Variants in GLB1 observed in about 807,000 individuals in gnomAD.
The protein encoded by GLB1 is galactosidase beta 1.
Under a neutral mutation model 74.0 loss-of-function variants are expected in GLB1, and 56 were observed. The observed-to-expected ratio is 0.76, with a 90% CI of 0.61 to 0.94. GLB1 has a LOEUF of 0.94. Among genes scored for constraint, GLB1 ranks in the 40% least tolerant of loss-of-function variants. GLB1 has a pLI of 0.00. For synonymous variants in GLB1, 323 were observed against 323.6 expected (o/e 1.00, Z 0.02); for missense variants, 787 against 845.5 (o/e 0.93, Z 0.86).
chr3:33,026,251 G>A (rs1478045351), intron 10 of GLB1, among the ~76,000 whole-genome samples: 7 of 152,218 alleles, frequency 4.6e-5, no homozygotes, highest in Non-Finnish European at 2.9e-5. Flanking sequence ...GCGCCACTCC[G>A]ACCTCGGAGC....
the GLB1 span, among the ~76,000 whole-genome samples, chr3:32,972,264 G>T: frequency 6.6e-6 from 1 of 152,294 alleles, no homozygotes; most frequent in African/African-American, 2.4e-5. Context: ...CACAAATGAG[G>T]AATGTTATAT....
intron 15 of GLB1, among the ~76,000 whole-genome samples, chr3:33,005,596 A>C (rs1396896859): frequency 6.6e-6 from 1 of 152,124 alleles, no homozygotes; most frequent in African/African-American, 2.4e-5. Context: ...TGCTGGGCTC[A>C]AGCAATCCTC....
At chr3:33,050,714 C>T (rs1315679867) in intron 9 of GLB1, among the ~76,000 whole-genome samples, 8 of 152,116 alleles carry the variant, frequency 5.3e-5, no homozygotes, top group Non-Finnish European at 1.2e-4. Flanking sequence ...GTAATGGTTA[C>T]ACAACTTTGT....
chr3:33,086,059 C>A (rs758380336), intron 1 of GLB1, among the ~76,000 whole-genome samples: 9 of 152,114 alleles, frequency 5.9e-5, no homozygotes, highest in South Asian at 2.1e-4. Flanking sequence ...GCCTGAACAA[C>A]AGAGCAAGAC....
chr3:33,094,815 AACTC>A (rs1700936744), intron 1 of GLB1, among the ~76,000 whole-genome samples: 1 of 152,244 alleles, frequency 6.6e-6, no homozygotes. Flanking sequence ...AAAACAGTGC[AACTC>A]TTCACCCTAA....
chr3:32,990,851 G>A, the GLB1 span, among the ~76,000 whole-genome samples: 1 of 152,116 alleles, frequency 6.6e-6, no homozygotes, highest in South Asian at 2.1e-4. Context: ...GCGGGTGCCT[G>A]TAGTCCCAGC....
intron 2 of GLB1, among the ~76,000 whole-genome samples, chr3:33,070,881 A>G (rs542909658): frequency 4.8e-4 from 73 of 152,316 alleles, no homozygotes; most frequent in Non-Finnish European, 9.7e-4. Context: ...TAAAAATTAT[A>G]TATGTCCATG....
chr3:33,079,394 T>C (rs934221600), intron 1 of GLB1, among the ~76,000 whole-genome samples: 2 of 152,246 alleles, frequency 1.3e-5, no homozygotes, highest in Non-Finnish European at 2.9e-5. Context: ...TGCTAGTTAA[T>C]GATATGCCTA....
chr3:33,074,200 C>T (rs187421786), intron 1 of GLB1, among the ~76,000 whole-genome samples: 199 of 149,446 alleles, frequency 1.3e-3, no homozygotes, highest in Middle Eastern at 0.01. Context: ...AAAATAGCTA[C>T]TCGGGAGATT....
downstream of GLB1, among the ~76,000 whole-genome samples, chr3:32,996,067 C>T (rs761291779): frequency 1.3e-5 from 2 of 152,150 alleles, no homozygotes; most frequent in Non-Finnish European, 1.5e-5. Flanking sequence ...AACCCTGTCT[C>T]GCCACATACA....
In GLB1 at chr3:33,051,902, G is replaced by A. The variant is rs1430384579; in HGVS notation, c.895C>T (p.Arg299Cys). The change falls in exon 8 of 16, where the codon CGT becomes TGT. Residue 299 changes from arginine (R) to cysteine (C), a missense_variant. By Grantham distance (180) the Arg-to-Cys change is radical. Transcript: ENST00000307363. ...VASSLYDILA[R>C]GASVNLYMFI... ...ACTCACAAGTTCACACTCGCCCCAC[G>A]GGCAAGTATATCATAGAGGGAGGAA... is the stretch of plus-strand genomic sequence containing the variant. The A allele has an allele frequency of 3.7e-6, 6 of 1,614,198 alleles. No homozygotes were observed. Among genetic ancestry groups the A allele is most frequent in the African/African-American group, 1.3e-5 (1 of 75,046 alleles).
intron 10 of GLB1, among the ~76,000 whole-genome samples, chr3:33,035,570 G>A (rs909666652): frequency 1.3e-5 from 2 of 152,112 alleles, no homozygotes; most frequent in Admixed American, 1.3e-4. Context: ...TTGAGATGGG[G>A]TTAGTGCCTT....
chr3:33,059,853 A>G (rs1699373427), intron 5 of GLB1, among the ~76,000 whole-genome samples: 1 of 152,256 alleles, frequency 6.6e-6, no homozygotes, highest in South Asian at 2.1e-4. Context: ...CACATAATAC[A>G]AAAATATTTG....
At chr3:33,034,585 C>T (rs535077450) in intron 10 of GLB1, 1 of 719,134 alleles carries the variant, frequency 1.4e-6, no homozygotes, top group East Asian at 2.5e-5. Context: ...GTGATGATGC[C>T]TTGGGAAATA....
chr3:32,966,262 T>G, the GLB1 span, among the ~76,000 whole-genome samples: 21 of 152,202 alleles, frequency 1.4e-4, no homozygotes, highest in Non-Finnish European at 2.9e-4. Flanking sequence ...GGGGCGGAGC[T>G]TCCCAAGGCT....
chr3:32,983,147 A>C, the GLB1 span, among the ~76,000 whole-genome samples: 4 of 152,182 alleles, frequency 2.6e-5, no homozygotes, highest in Admixed American at 2.0e-4. Context: ...TGTCTTAAAC[A>C]CTGATTCTAG....
At chr3:33,074,369 G>GAAAGAAAGAAAGAAAGA (rs1559412870) in intron 1 of GLB1, among the ~76,000 whole-genome samples, 92 of 6,528 alleles carry the variant, frequency 0.014, 13 homozygotes, top group Admixed American at 0.028. Context: ...AGGAAGGAAG[G>GAAAGAAAGAAAGAAAGA]AAGGAAGGAA....
chr3:33,018,493 T>A lies in GLB1; in HGVS notation c.1302A>T (p.Ser434=). 6.2e-7 allele frequency: 1 copy of A among 1,613,682 alleles called. No homozygotes were observed. Among genetic ancestry groups the A allele is most frequent in the Non-Finnish European group, 8.5e-7 (1 of 1,179,962 alleles). ...QDCSNPAPLS[S]PLNGVHDRAY... is the part of the protein sequence containing the mutation. ...CTCGATCGTGGACTCCATTGAGGGG[T>A]GAAGAGAGAGGTGCTGGGTTGCTGC... The change falls in exon 13 of 16, where the codon TCA becomes TCT. Residue 434 remains serine, a synonymous_variant. Transcript: ENST00000307363.
chr3:32,965,963 T>A, the GLB1 span, among the ~76,000 whole-genome samples: 71 of 152,354 alleles, frequency 4.7e-4, no homozygotes, highest in East Asian at 0.013. Flanking sequence ...AACCTCTGCC[T>A]AGATTTCAGA....
Sources: gnomAD v4.1 joint callset for allele counts (sites outside exome capture counted in the v4.1 genomes callset) on GRCh38, gnomAD v4.1.1 for gene constraint, MANE v1.5 for transcripts, NCBI Gene and HGNC (gene_info 2026-07-23, HGNC 2026-07-21) for gene names.